Variants in NBEA observed in about 807,000 individuals in gnomAD.
The protein encoded by NBEA is lysosomal-trafficking regulator 2.
In NBEA, 44 loss-of-function variants were observed where a neutral mutation model predicts 343.4. The ratio of observed to expected loss-of-function variants is 0.13; its 90% confidence interval spans 0.10 to 0.16. The LOEUF is 0.16. Ranked by LOEUF, NBEA falls within the 10% of genes least tolerant of loss-of-function variation. The pLI, the probability that NBEA is intolerant of heterozygous loss-of-function variation, is 1.00. For synonymous variants in NBEA, 1,175 were observed against 1,238.7 expected, an observed-to-expected ratio of 0.95 and a Z score of 1.08; for missense variants, 2,555 against 3,631.3, an observed-to-expected ratio of 0.70 and a Z score of 7.62.
chr13:35,587,890 T>C (rs558495074), intron 46 of NBEA, among the ~76,000 whole-genome samples: 1 of 152,200 alleles, frequency 6.6e-6, no homozygotes, highest in Non-Finnish European at 1.5e-5. Flanking sequence ...ATAGCAGTGC[T>C]GCACAACAGA....
chr13:35,004,727 T>C (rs924983272), intron 1 of NBEA, among the ~76,000 whole-genome samples: 1 of 152,186 alleles, frequency 6.6e-6, no homozygotes, highest in African/African-American at 2.4e-5. Flanking sequence ...GTAATCCCAC[T>C]TGGTATATGA....
At chr13:35,415,734 T>C (rs2043866951) in intron 38 of NBEA, among the ~76,000 whole-genome samples, 1 of 152,136 alleles carries the variant, frequency 6.6e-6, no homozygotes, top group African/African-American at 2.4e-5. Flanking sequence ...TTTGGTTCCA[T>C]ATGAACTTTA....
chr13:35,382,148 A>AT (rs1240409557), intron 38 of NBEA, among the ~76,000 whole-genome samples: 1 of 152,106 alleles, frequency 6.6e-6, no homozygotes, highest in Admixed American at 6.6e-5. Context: ...TAGCCAGGAT[A>AT]TTTATCATTT....
chr13:35,067,664 C>T (rs949065921), intron 8 of NBEA, among the ~76,000 whole-genome samples: 2 of 152,012 alleles, frequency 1.3e-5, no homozygotes, highest in African/African-American at 4.8e-5. Flanking sequence ...CTCTGAAAAT[C>T]CTTCTGAAAG....
intron 49 of NBEA, among the ~76,000 whole-genome samples, chr13:35,638,843 T>C (rs2083814159): frequency 6.6e-6 from 1 of 152,230 alleles, no homozygotes; most frequent in African/African-American, 2.4e-5. Flanking sequence ...GAGGAAATGA[T>C]GCTTACTTTT....
At chr13:35,342,153 T>A (rs1342580610) in intron 36 of NBEA, among the ~76,000 whole-genome samples, 1 of 151,858 alleles carries the variant, frequency 6.6e-6, no homozygotes, top group African/African-American at 2.4e-5. Flanking sequence ...AATAGGAAAA[T>A]CCATAGAAAC....
At position 35,535,776 on chromosome 13, in the gene NBEA, C is replaced by T. The variant is rs1337701284; in HGVS notation, c.6586-14701C>T. On this transcript the variant is annotated intron_variant, in intron 41 of 58. Transcript: ENST00000379939. The stretch of plus-strand genomic sequence containing the variant: ...GAGTCTGTGTGTCATCCTCCAAGTC[C>T]AAGTTCTTTCCACTACAGCATGGCA... 3.3e-5 allele frequency among the ~76,000 whole-genome samples: 5 copies of T among 152,080 alleles called. No individual in the cohort carries two copies. The East Asian group carries it at 7.7e-4, about 23-fold the overall frequency.
At chr13:35,000,986 G>T (rs1387248806) in intron 1 of NBEA, among the ~76,000 whole-genome samples, 2 of 151,928 alleles carry the variant, frequency 1.3e-5, no homozygotes, top group Admixed American at 6.6e-5. Context: ...TTGTTGTTAA[G>T]AGAGGAGGTC....
At chr13:35,322,477 T>G (rs1233675051) in intron 36 of NBEA, among the ~76,000 whole-genome samples, 2 of 152,276 alleles carry the variant, frequency 1.3e-5, no homozygotes, top group Admixed American at 6.5e-5. Context: ...CCCAATGAGA[T>G]GAGCTGGGTA....
intron 34 of NBEA, among the ~76,000 whole-genome samples, chr13:35,237,400 C>G (rs931582811): frequency 2.0e-5 from 3 of 152,252 alleles, no homozygotes; most frequent in Admixed American, 6.5e-5. Flanking sequence ...AATGTATGTC[C>G]TTTTATTTTC....
chr13:35,538,783 T>G (rs140304849), intron 41 of NBEA, among the ~76,000 whole-genome samples: 222 of 152,340 alleles, frequency 1.5e-3, no homozygotes, highest in South Asian at 7.3e-3. Flanking sequence ...CTCAAAAAGT[T>G]TCTGATTTTT....
At chr13:35,398,165 C>G (rs1293931342) in intron 38 of NBEA, among the ~76,000 whole-genome samples, 1 of 152,134 alleles carries the variant, frequency 6.6e-6, no homozygotes, top group South Asian at 2.1e-4. Flanking sequence ...TTTCTTTGTT[C>G]ATAAGAAGCA....
At chr13:35,198,720 A>G (rs1417739223) in intron 31 of NBEA, among the ~76,000 whole-genome samples, 1 of 151,906 alleles carries the variant, frequency 6.6e-6, no homozygotes, top group Non-Finnish European at 1.5e-5. Context: ...GCAATAGCTC[A>G]AGTACTATCA....
intron 41 of NBEA, among the ~76,000 whole-genome samples, chr13:35,502,128 A>T (rs1457010626): frequency 6.6e-6 from 1 of 152,096 alleles, no homozygotes; most frequent in East Asian, 1.9e-4. Flanking sequence ...ATGTAAACTT[A>T]CGACTGTGAA....
Position 35,123,970 on chromosome 13 carries a change from T to C in NBEA, c.2336+396T>C, listed in dbSNP as rs74634535. ...CTTATGCTTACATGCTGAGTCAGTA[T>C]TTGTTATTAGTTTCTAACAGTAGGG... On this transcript the variant is annotated intron_variant, in intron 17 of 58. Transcript: ENST00000379939. Among the ~76,000 whole-genome samples the C allele has an allele frequency of 6.4e-3, 970 of 152,242 alleles. 13 individuals are homozygous for C. Among genetic ancestry groups the C allele is most frequent in the African/African-American group, 0.022 (918 of 41,572 alleles).
chr13:35,155,065 G>A (rs146167625), intron 18 of NBEA, among the ~76,000 whole-genome samples: 6,787 of 149,804 alleles, frequency 0.045, 232 homozygotes, highest in Non-Finnish European at 0.067. Context: ...AGGAGTTGGA[G>A]GCTGCAATGA....
At chr13:35,086,109 G>T (rs2064746781) in intron 10 of NBEA, among the ~76,000 whole-genome samples, 2 of 152,066 alleles carry the variant, frequency 1.3e-5, no homozygotes, top group African/African-American at 4.8e-5. Flanking sequence ...AACATTCCAT[G>T]CTCATGGGTA....
chr13:35,378,646 T>A (rs953777072), intron 38 of NBEA, among the ~76,000 whole-genome samples: 1 of 152,092 alleles, frequency 6.6e-6, no homozygotes, highest in African/African-American at 2.4e-5. Context: ...ATGACTGATT[T>A]TTTTCCTTTA....
intron 38 of NBEA, among the ~76,000 whole-genome samples, chr13:35,429,834 T>TGTGTGTGTGTGTAC (rs1555262949): frequency 1.4e-4 from 21 of 148,544 alleles, no homozygotes; most frequent in East Asian, 8.2e-4. Flanking sequence ...TGTGTGTGTG[T>TGTGTGTGTGTGTAC]ACACACATTT....
Sources: gnomAD v4.1 joint callset for allele counts (sites outside exome capture counted in the v4.1 genomes callset) on GRCh38, gnomAD v4.1.1 for gene constraint, MANE v1.5 for transcripts, NCBI Gene and HGNC (gene_info 2026-07-23, HGNC 2026-07-21) for gene names.